KICS2: variants seen among roughly 807,000 people sequenced by gnomAD.
KICS2 encodes the protein KICSTOR complex protein C12orf66.
In KICS2, 13 loss-of-function variants were observed where a neutral mutation model predicts 31.4. The observed-to-expected ratio is 0.41, with a 90% CI of 0.27 to 0.66. The LOEUF is 0.66. Among genes scored for constraint, KICS2 ranks in the 30% least tolerant of loss-of-function variants. The probability of loss-of-function intolerance (pLI) is 0.28; values close to 1 mark genes in which losing one functional copy is unlikely to be tolerated. For synonymous variants in KICS2, 209 were observed against 214.8 expected, an observed-to-expected ratio of 0.97 and a Z score of 0.24; for missense variants, 455 against 545.4, an observed-to-expected ratio of 0.83 and a Z score of 1.65.
chr12:64,204,813 T>C (rs1271287113), intron 2 of KICS2: 1 of 152,002 alleles, frequency 6.6e-6, no homozygotes, highest in South Asian at 2.1e-4. Flanking sequence ...CAGCAGCATA[T>C]ATACTTAAAT....
intron 2 of KICS2, among the ~76,000 whole-genome samples, chr12:64,206,633 A>G (rs2037541234): frequency 6.6e-6 from 1 of 152,236 alleles, no homozygotes; most frequent in Non-Finnish European, 1.5e-5. Context: ...AGGTGGAAAC[A>G]ACTCCAATGC....
intron 2 of KICS2, among the ~76,000 whole-genome samples, chr12:64,208,491 C>T (rs1358114641): frequency 6.6e-6 from 1 of 152,192 alleles, no homozygotes; most frequent in Non-Finnish European, 1.5e-5. Flanking sequence ...AGAAATTGCA[C>T]TACTACTAGT....
intron 1 of KICS2, among the ~76,000 whole-genome samples, chr12:64,217,912 G>GA (rs2037645116): frequency 6.6e-6 from 1 of 151,906 alleles, no homozygotes; most frequent in African/African-American, 2.4e-5. Flanking sequence ...AAGAAAAGAA[G>GA]AAAGGAAGGA....
intron 1 of KICS2, among the ~76,000 whole-genome samples, chr12:64,220,832 GCTAAT>G (rs1202350118): frequency 6.6e-6 from 1 of 152,152 alleles, no homozygotes; most frequent in East Asian, 1.9e-4. Flanking sequence ...TATATAATTT[GCTAAT>G]CTATAGAAAG....
At position 64,192,809 on chromosome 12, in the gene KICS2, G is replaced by T; in HGVS notation, c.*1033C>A. ...CTGCTTCTAAACATAATTTGTGGGG[G>T]GCAGGCATGAAACCCAAGTTCAGAA... On this transcript the variant is annotated 3_prime_UTR_variant, in exon 3 of 3. Coordinates refer to ENST00000398055, the MANE Select transcript of KICS2 (RefSeq NM_152440.5). 4.1e-6 allele frequency: 4 copies of T among 985,406 alleles called. No homozygotes were observed. Among genetic ancestry groups the T allele is most frequent in the Non-Finnish European group, 4.8e-6 (4 of 829,932 alleles). The allele number at this position is 985,406 out of a possible 1,614,324, so 61.0% of individuals were successfully genotyped here.
intron 2 of KICS2, among the ~76,000 whole-genome samples, chr12:64,204,351 AC>A (rs1424362642): frequency 5.9e-5 from 9 of 152,216 alleles, no homozygotes; most frequent in Non-Finnish European, 1.2e-4. Context: ...CTGCACATGT[AC>A]CCCAGAACTC....
chr12:64,189,408 C>G (rs2037362656), downstream of KICS2, among the ~76,000 whole-genome samples: 1 of 151,964 alleles, frequency 6.6e-6, no homozygotes, highest in Non-Finnish European at 1.5e-5. Flanking sequence ...CACCACTACA[C>G]AAAGAAAAGC....
intron 1 of KICS2, among the ~76,000 whole-genome samples, chr12:64,218,528 A>G (rs898657273): frequency 6.6e-6 from 1 of 152,214 alleles, no homozygotes; most frequent in Non-Finnish European, 1.5e-5. Flanking sequence ...TATAACTGAT[A>G]CATTTTTTAA....
At chr12:64,196,143 G>T (rs1161471417) in intron 2 of KICS2, among the ~76,000 whole-genome samples, 3 of 152,146 alleles carry the variant, frequency 2.0e-5, no homozygotes, top group Non-Finnish European at 4.4e-5. Flanking sequence ...CACCTCTGGG[G>T]GCAGGGCACA....
chr12:64,193,212 A>G lies in KICS2; in HGVS notation c.*630T>C. 3 of 985,496 alleles carry G rather than the reference A, an allele frequency of 3.0e-6. No individual in the cohort carries two copies. The highest frequency in any genetic ancestry group is 3.6e-6 in the Non-Finnish European group (3 of 829,984). The allele number at this position is 985,496 out of a possible 1,614,324, so 61.0% of individuals were successfully genotyped here. A position where few individuals can be genotyped will look rare whatever the true frequency, so the allele number is the denominator to read the frequency against. On this transcript the variant is annotated 3_prime_UTR_variant, in exon 3 of 3. Coordinates refer to ENST00000398055, the MANE Select transcript of KICS2 (RefSeq NM_152440.5). Reference sequence around the variant, plus strand: ...TACCCCAAAAGAACCCATGGCTATTAAAGCTGCCATGAGGATCTTCTGAAC... The same window carrying G: ...TACCCCAAAAGAACCCATGGCTATTGAAGCTGCCATGAGGATCTTCTGAAC...
chr12:64,197,610 T>G (rs1171511858), intron 2 of KICS2, among the ~76,000 whole-genome samples: 1 of 150,684 alleles, frequency 6.6e-6, no homozygotes, highest in Non-Finnish European at 1.5e-5. Flanking sequence ...ATATTAACTT[T>G]AAATGTAAAT....
downstream of KICS2, chr12:64,187,666 A>G (rs535585144): frequency 9.1e-6 from 14 of 1,534,254 alleles, no homozygotes; most frequent in African/African-American, 1.4e-5. Flanking sequence ...GTAGAAAAGT[A>G]GAGAGGGAAT....
intron 2 of KICS2, chr12:64,204,860 C>T (rs1049504109): frequency 6.6e-6 from 1 of 151,938 alleles, no homozygotes; most frequent in African/African-American, 2.4e-5. Flanking sequence ...GTCCCCTATA[C>T]AAGGATAACA....
At chr12:64,206,819 T>C (rs1031047309) in intron 2 of KICS2, among the ~76,000 whole-genome samples, 3 of 152,154 alleles carry the variant, frequency 2.0e-5, no homozygotes, top group Admixed American at 2.0e-4. Context: ...ATTCTAGTTA[T>C]ATGTGGTATC....
intron 2 of KICS2, among the ~76,000 whole-genome samples, chr12:64,213,493 G>A (rs1336880010): frequency 1.3e-5 from 2 of 152,128 alleles, no homozygotes; most frequent in East Asian, 3.9e-4. Context: ...AGAGGGTCTT[G>A]CATAGTGTCT....
chr12:64,193,597 T>A lies in KICS2; in HGVS notation c.*245A>T. The A allele has an allele frequency of 8.0e-7, 1 of 1,242,424 alleles. No homozygotes were observed. Among genetic ancestry groups the A allele is most frequent in the Non-Finnish European group, 1.0e-6 (1 of 993,426 alleles). 77.0% of individuals were successfully genotyped at this position (1,242,424 alleles called of 1,614,324 possible). A position where few individuals can be genotyped will look rare whatever the true frequency, so the allele number is the denominator to read the frequency against. Reference sequence around the variant, plus strand: ...AATATAGCAAAATAGGGGAAAATACTGAAACTACTTTGCTGTACCATGGAG... The same window carrying A: ...AATATAGCAAAATAGGGGAAAATACAGAAACTACTTTGCTGTACCATGGAG... On this transcript the variant is annotated 3_prime_UTR_variant, in exon 3 of 3. Transcript: ENST00000398055.
chr12:64,187,582 T>G, downstream of KICS2: 1 of 1,507,776 alleles, frequency 6.6e-7, no homozygotes, highest in Non-Finnish European at 8.9e-7. Flanking sequence ...TTCTGACTCA[T>G]TTCCTCTGGA....
chr12:64,194,949 T>TA (rs1555180914), intron 2 of KICS2, among the ~76,000 whole-genome samples: 51 of 121,318 alleles, frequency 4.2e-4, no homozygotes, highest in African/African-American at 1.3e-3. Flanking sequence ...TTTTTTTTTT[T>TA]ATTTATTTAT....
Sources: allele counts gnomAD v4.1 joint callset (sites outside exome capture counted in the v4.1 genomes callset), GRCh38; gene constraint gnomAD v4.1.1; transcripts MANE v1.5; gene names NCBI Gene and HGNC (gene_info 2026-07-23, HGNC 2026-07-21).